Variants in INTS9 observed in about 807,000 individuals in gnomAD.
INTS9 encodes the protein protein related to CPSF subunits of 74 kDa.
A neutral mutation model predicts 79.7 loss-of-function variants in INTS9; 55 were observed. The observed-to-expected ratio is 0.69, with a 90% CI of 0.56 to 0.86. The LOEUF (loss-of-function observed/expected upper bound fraction) is 0.86, where lower values mean the gene tolerates loss of function less well. Ranked by LOEUF, INTS9 falls within the 40% of genes least tolerant of loss-of-function variation. The pLI is 0.00. For missense variants in INTS9, 721 were observed against 831.5 expected (o/e 0.87, Z 1.64); for synonymous variants, 319 against 325.2 (o/e 0.98, Z 0.20).
In INTS9 at chr8:28,888,555, A is replaced by G. The variant is rs376682653; in HGVS notation, c.9+1319T>C. Among the ~76,000 whole-genome samples, 10 of 152,344 alleles carry G rather than the reference A, an allele frequency of 6.6e-5. 1 individual carries two copies. Among genetic ancestry groups the G allele is most frequent in the African/African-American group, 2.4e-4 (10 of 41,576 alleles). On this transcript the variant is annotated intron_variant, in intron 1 of 16. Coordinates refer to ENST00000521022, the MANE Select transcript of INTS9 (RefSeq NM_018250.4). The stretch of plus-strand genomic sequence containing the variant: ...CCACAAAGCCAGACCCTGTCTCTAA[A>G]TAAATAAATAATAACTTTGGTTTAC...
intron 6 of INTS9, among the ~76,000 whole-genome samples, chr8:28,832,707 T>G (rs1022836296): frequency 2.6e-5 from 4 of 152,116 alleles, no homozygotes; most frequent in African/African-American, 9.7e-5. Flanking sequence ...CTCATGCCTG[T>G]AATCCCAACA....
intron 6 of INTS9, among the ~76,000 whole-genome samples, chr8:28,829,870 T>C (rs1316999320): frequency 6.6e-6 from 1 of 152,182 alleles, no homozygotes; most frequent in Non-Finnish European, 1.5e-5. Context: ...TGGGCTCACA[T>C]TCCCATATGG....
rs771257510 is a variant in INTS9, at chr8:28,770,022, G to A, written c.1667C>T (p.Pro556Leu). The A allele has an allele frequency of 2.5e-6, 4 of 1,613,790 alleles. No individual in the cohort carries two copies. The highest frequency in any genetic ancestry group is 1.1e-5 in the South Asian group (1 of 91,084). The change falls in exon 16 of 17, where the codon CCT becomes CTT. Residue 556 changes from proline to leucine, a missense_variant. This residue lies in a region of INTS9 where 281 missense variants were observed against 300.8 expected (regional missense o/e 0.93). Coordinates refer to ENST00000521022, the MANE Select transcript of INTS9 (RefSeq NM_018250.4). The part of the protein sequence containing the change: ...TKDNKHLLQP[P>L]PRPAQPTSGK... ...GCTCGTGGGCTGGGCGGGCCGAGGA[G>A]GGGGCTAGAGCAGAAGGAAAGAGTG...
intron 1 of INTS9, among the ~76,000 whole-genome samples, chr8:28,862,680 G>A (rs1161780147): frequency 6.6e-6 from 1 of 152,162 alleles, no homozygotes; most frequent in Non-Finnish European, 1.5e-5. Context: ...TAATATATCA[G>A]AAGATCTGTT....
chr8:28,814,488 T>C (rs1012863590), intron 6 of INTS9, among the ~76,000 whole-genome samples: 2 of 152,070 alleles, frequency 1.3e-5, no homozygotes, highest in Non-Finnish European at 2.9e-5. Context: ...ACAAAAAATA[T>C]GGCAACTGAA....
chr8:28,870,707 A>G (rs1809043916), intron 1 of INTS9, among the ~76,000 whole-genome samples: 1 of 152,234 alleles, frequency 6.6e-6, no homozygotes, highest in Admixed American at 6.5e-5. Context: ...GAGCAGAAAT[A>G]CTAGGGAGTT....
chr8:28,802,744 A>G (rs1005410934), intron 8 of INTS9, among the ~76,000 whole-genome samples: 3 of 152,132 alleles, frequency 2.0e-5, no homozygotes, highest in South Asian at 4.1e-4. Context: ...AAAATATTCT[A>G]CCACGCCCTA....
At chr8:28,773,375 A>T (rs1313647372) in intron 14 of INTS9, among the ~76,000 whole-genome samples, 1 of 150,702 alleles carries the variant, frequency 6.6e-6, no homozygotes, top group African/African-American at 2.4e-5. Flanking sequence ...GAGGCAGGAG[A>T]ATGGCATGAA....
At chr8:28,826,311 A>G (rs148496526) in intron 6 of INTS9, among the ~76,000 whole-genome samples, 388 of 152,302 alleles carry the variant, frequency 2.5e-3, no homozygotes, top group African/African-American at 8.7e-3. Flanking sequence ...TTCAGTTGCT[A>G]TCCCAGGAAA....
intron 6 of INTS9, among the ~76,000 whole-genome samples, chr8:28,815,239 A>G (rs1402035281): frequency 1.3e-5 from 2 of 152,196 alleles, no homozygotes; most frequent in East Asian, 3.8e-4. Context: ...ACAAATTAGA[A>G]ATACAATGTC....
intron 8 of INTS9, among the ~76,000 whole-genome samples, chr8:28,811,702 T>G (rs1404097314): frequency 6.6e-6 from 1 of 152,200 alleles, no homozygotes; most frequent in African/African-American, 2.4e-5. Context: ...ATTACAGGTA[T>G]GAGCCACCGC....
intron 2 of INTS9, among the ~76,000 whole-genome samples, chr8:28,853,577 T>C (rs779889385): frequency 6.6e-6 from 1 of 152,176 alleles, no homozygotes; most frequent in Non-Finnish European, 1.5e-5. Context: ...AAAAAATGTA[T>C]GAAAGATTTA....
At chr8:28,833,987 C>T (rs1806656999) in intron 6 of INTS9, among the ~76,000 whole-genome samples, 2 of 152,170 alleles carry the variant, frequency 1.3e-5, no homozygotes, top group Non-Finnish European at 1.5e-5. Flanking sequence ...TAGCCAAGGG[C>T]CTTATCTCCA....
chr8:28,861,485 A>G (rs1264612101), intron 1 of INTS9, among the ~76,000 whole-genome samples: 5 of 152,220 alleles, frequency 3.3e-5, no homozygotes, highest in African/African-American at 7.2e-5. Flanking sequence ...AATAAAATGA[A>G]ATGTGTGTAA....
chr8:28,789,792 C>T (rs573330402), intron 10 of INTS9, among the ~76,000 whole-genome samples: 15 of 152,210 alleles, frequency 9.9e-5, no homozygotes, highest in Middle Eastern at 6.8e-3. Context: ...GTGGGAGGAT[C>T]GCTTGAGACC....
intron 1 of INTS9, among the ~76,000 whole-genome samples, chr8:28,867,960 A>G (rs540092660): frequency 6.6e-6 from 1 of 152,344 alleles, no homozygotes; most frequent in Admixed American, 6.5e-5. Context: ...TAAAACATTC[A>G]CATGATCCCA....
chr8:28,770,469 A>C (rs1251361806), intron 15 of INTS9, among the ~76,000 whole-genome samples: 1 of 152,236 alleles, frequency 6.6e-6, no homozygotes, highest in Non-Finnish European at 1.5e-5. Flanking sequence ...ACAGCAGTGA[A>C]TTCTGACGGC....
intron 1 of INTS9, among the ~76,000 whole-genome samples, chr8:28,868,799 G>A (rs1030779720): frequency 1.3e-5 from 2 of 152,240 alleles, no homozygotes; most frequent in Non-Finnish European, 2.9e-5. Flanking sequence ...GTGACATTGT[G>A]CTCTTTATAA....
intron 6 of INTS9, among the ~76,000 whole-genome samples, chr8:28,815,825 C>A (rs893454882): frequency 7.2e-5 from 11 of 152,078 alleles, no homozygotes; most frequent in Admixed American, 1.3e-4. Flanking sequence ...TCATAATATT[C>A]AATTACTAAA....
Sources: gnomAD v4.1 joint callset for allele counts (sites outside exome capture counted in the v4.1 genomes callset) on GRCh38, gnomAD v4.1.1 for gene constraint, gnomAD v4.1.1 regional missense constraint, MANE v1.5 for transcripts, NCBI Gene and HGNC (gene_info 2026-07-23, HGNC 2026-07-21) for gene names.